Variants in PAFAH2 observed in about 807,000 individuals in gnomAD.
PAFAH2 encodes the protein platelet activating factor acetylhydrolase 2, also known as platelet-activating factor acetylhydrolase 2, cytoplasmic.
A neutral mutation model predicts 49.0 loss-of-function variants in PAFAH2; 42 were observed. The observed-to-expected ratio is 0.86, with a 90% CI of 0.67 to 1.11. PAFAH2 has a LOEUF of 1.11. Ranked by LOEUF, PAFAH2 falls within the 50% of genes least tolerant of loss-of-function variation. PAFAH2 has a pLI of 0.00. For missense variants in PAFAH2, 503 were observed against 501.8 expected, an observed-to-expected ratio of 1.00 and a Z score of -0.02; for synonymous variants, 184 against 181.3, an observed-to-expected ratio of 1.01 and a Z score of -0.12.
chr1:25,993,133 C>G (rs2049897678), intron 1 of PAFAH2, among the ~76,000 whole-genome samples: 1 of 152,182 alleles, frequency 6.6e-6, no homozygotes. Flanking sequence ...CACTCCTAGA[C>G]TTTCTAGTTA....
intron 8 of PAFAH2, 64 bp from the exon 9 acceptor site, chr1:25,974,714 G>A: frequency 1.3e-6 from 2 of 1,500,340 alleles, no homozygotes; most frequent in Admixed American, 3.8e-5. Context: ...TTAGGGTGGT[G>A]GAGGGAAGGG....
At chr1:25,981,644 C>T (rs1276322500) in intron 7 of PAFAH2, among the ~76,000 whole-genome samples, 1 of 152,232 alleles carries the variant, frequency 6.6e-6, no homozygotes, top group African/African-American at 2.4e-5. Context: ...GACAAAGGGA[C>T]TGGCCCAGAG....
intron 7 of PAFAH2, among the ~76,000 whole-genome samples, chr1:25,981,183 CA>C (rs2049682900): frequency 6.6e-6 from 1 of 150,494 alleles, no homozygotes; most frequent in Non-Finnish European, 1.5e-5. Flanking sequence ...AAAATAAGGC[CA>C]CAAAACAGCT....
chr1:25,962,275 A>C (rs1414503670), intron 10 of PAFAH2, among the ~76,000 whole-genome samples, 192 bp from the exon 11 acceptor site: 3 of 152,188 alleles, frequency 2.0e-5, no homozygotes, highest in Non-Finnish European at 4.4e-5. Context: ...TAAATGACTT[A>C]CATAATCCAT....
intron 10 of PAFAH2, among the ~76,000 whole-genome samples, chr1:25,967,820 G>A (rs949039512): frequency 4.6e-5 from 7 of 152,084 alleles, no homozygotes; most frequent in African/African-American, 1.7e-4. Context: ...TTTTTTTCTA[G>A]GAGAAACTTC....
At chr1:25,970,697 C>T (rs1026390885) in intron 10 of PAFAH2, among the ~76,000 whole-genome samples, 2 of 151,946 alleles carry the variant, frequency 1.3e-5, no homozygotes, top group Non-Finnish European at 2.9e-5. Context: ...GTGATCCTTC[C>T]ACCCCAGCCT....
intron 10 of PAFAH2, among the ~76,000 whole-genome samples, chr1:25,966,393 T>A (rs2049423390): frequency 1.3e-5 from 2 of 152,168 alleles, no homozygotes; most frequent in Admixed American, 6.5e-5. Flanking sequence ...GAAGATCTGA[T>A]AAAGAAAATG....
At chr1:25,977,103 A>G (rs2049603910) in intron 7 of PAFAH2, among the ~76,000 whole-genome samples, 2 of 143,194 alleles carry the variant, frequency 1.4e-5, no homozygotes, top group South Asian at 4.4e-4. Flanking sequence ...GCTCACTGCA[A>G]GCTCCGCCTC....
chr1:25,991,475 G>C (rs564335420), intron 1 of PAFAH2, among the ~76,000 whole-genome samples: 1 of 151,438 alleles, frequency 6.6e-6, no homozygotes, highest in East Asian at 2.0e-4. Context: ...GTAGAGACGG[G>C]GTTTCGCCAT....
chr1:25,995,144 A>C (rs1474920015), intron 1 of PAFAH2, among the ~76,000 whole-genome samples: 1 of 152,204 alleles, frequency 6.6e-6, no homozygotes, highest in Non-Finnish European at 1.5e-5. Context: ...CCTGTCCAGA[A>C]GCCTCTCCAT....
intron 7 of PAFAH2, among the ~76,000 whole-genome samples, chr1:25,978,718 A>T (rs1377419109): frequency 1.3e-5 from 2 of 152,192 alleles, no homozygotes; most frequent in Non-Finnish European, 2.9e-5. Context: ...AAATTTTGTG[A>T]GAGGGTAGAG....
At chr1:25,987,549 G>T (rs2049801307) in intron 4 of PAFAH2, among the ~76,000 whole-genome samples, 1 of 151,958 alleles carries the variant, frequency 6.6e-6, no homozygotes, top group Non-Finnish European at 1.5e-5. Context: ...TCGCTACTAC[G>T]CCAATGCCAC....
At chr1:25,979,855 G>T (rs1400959079) in intron 7 of PAFAH2, among the ~76,000 whole-genome samples, 1 of 152,120 alleles carries the variant, frequency 6.6e-6, no homozygotes, top group Non-Finnish European at 1.5e-5. Context: ...CGAACTCCTG[G>T]GCTCAAGTGA....
At chr1:25,972,296 C>T (rs1004260995) in intron 10 of PAFAH2, among the ~76,000 whole-genome samples, 107 of 151,026 alleles carry the variant, frequency 7.1e-4, no homozygotes, top group Non-Finnish European at 1.2e-3. Context: ...TAGAGTCTCA[C>T]TATGTTGCTC....
rs11582253 is a variant in PAFAH2 at position 25,965,171 on chromosome 1, C to T, written c.1085-3088G>A. ...AAAATATATACATGGGGAAAAGATA[C>T]CCTATTCAACAAATGGTGCTGGAAA... On this transcript the variant is annotated intron_variant, in intron 10 of 10. Transcript: ENST00000374282. 8.9e-3 allele frequency among the ~76,000 whole-genome samples: 1,354 copies of T among 152,180 alleles called. 11 individuals are homozygous for T. Among genetic ancestry groups the T allele is most frequent in the Non-Finnish European group, 0.014 (958 of 67,996 alleles).
At chr1:25,992,380 TCA>T (rs1013150258) in intron 1 of PAFAH2, among the ~76,000 whole-genome samples, 7 of 152,008 alleles carry the variant, frequency 4.6e-5, no homozygotes, top group African/African-American at 1.7e-4. Flanking sequence ...GGGCAGTAGA[TCA>T]AACAGATGCT....
chr1:25,989,369 G>T (rs2049837781), intron 3 of PAFAH2, 79 bp downstream of exon 3: 6 of 1,377,280 alleles, frequency 4.4e-6, no homozygotes, highest in Non-Finnish European at 5.8e-6. Context: ...AGGCTATAAG[G>T]TACTGCGTCC....
intron 1 of PAFAH2, among the ~76,000 whole-genome samples, chr1:25,992,286 T>C (rs768601636): frequency 6.6e-6 from 1 of 152,018 alleles, no homozygotes; most frequent in Admixed American, 6.6e-5. Flanking sequence ...GATGAGGAAG[T>C]TGAGAGGCAG....
rs756956085 is a variant in PAFAH2 at position 25,983,981 on chromosome 1, C to T, written c.517G>A (p.Glu173Lys). The T allele has an allele frequency of 2.5e-6, 4 of 1,614,216 alleles. No individual in the cohort carries two copies. Among genetic ancestry groups the T allele is most frequent in the Non-Finnish European group, 2.5e-6 (3 of 1,180,038 alleles). Reference sequence around the variant, plus strand: ...CGAACATGAAATTCCTTCTCCCCTTCCTCAACTCGACGGAAAGGGATCCAT... The same window carrying T: ...CGAACATGAAATTCCTTCTCCCCTTTCTCAACTCGACGGAAAGGGATCCAT... ...EEWIPFRRVE[E>K]GEKEFHVRNP... is the part of the protein sequence containing the mutation. The change falls in exon 6 of 11, where the codon GAA (glutamate) becomes AAA (lysine). Residue 173 changes from glutamate to lysine, a missense_variant. By Grantham distance (56) the Glu-to-Lys change is moderately conservative. Transcript: ENST00000374282.
Sources: allele counts gnomAD v4.1 joint callset (sites outside exome capture counted in the v4.1 genomes callset), GRCh38; gene constraint gnomAD v4.1.1; transcripts MANE v1.5; gene names NCBI Gene and HGNC (gene_info 2026-07-23, HGNC 2026-07-21).